The following TRIM9 variants were observed in gnomAD, a reference collection of about 807,000 sequenced individuals.
TRIM9 encodes E3 ubiquitin-protein ligase TRIM9.
A neutral mutation model predicts 78.3 loss-of-function variants in TRIM9; 26 were observed. The ratio of observed to expected loss-of-function variants is 0.33; its 90% CI spans 0.24 to 0.46. The LOEUF (loss-of-function observed/expected upper bound fraction) is 0.46. Ranked by LOEUF, TRIM9 falls within the 20% of genes least tolerant of loss-of-function variation. TRIM9 has a pLI of 1.00. For missense variants in TRIM9, 787 were observed against 1,036.4 expected, an observed-to-expected ratio of 0.76 and a Z score of 3.30; for synonymous variants, 398 against 416.5, an observed-to-expected ratio of 0.96 and a Z score of 0.54.
intron 6 of TRIM9, 40 bp downstream of exon 6, chr14:51,000,643 T>G (rs2054857750): frequency 2.5e-6 from 4 of 1,608,308 alleles, no homozygotes; most frequent in Non-Finnish European, 2.6e-6. Context: ...ACAGAGTCAC[T>G]GCTTTGGGTT....
chr14:51,045,140 C>A (rs1198058620), intron 1 of TRIM9, among the ~76,000 whole-genome samples: 1 of 152,200 alleles, frequency 6.6e-6, no homozygotes, highest in Admixed American at 6.5e-5. Flanking sequence ...GCCTGCAAGC[C>A]ACCAGCTGCT....
At chr14:51,081,024 C>T (rs1296820566) in intron 1 of TRIM9, among the ~76,000 whole-genome samples, 3 of 152,164 alleles carry the variant, frequency 2.0e-5, no homozygotes, top group Non-Finnish European at 4.4e-5. Context: ...ATAAGATTTC[C>T]TCCCACGCAG....
At chr14:51,048,759 C>T (rs535396389) in intron 1 of TRIM9, among the ~76,000 whole-genome samples, 86 of 151,788 alleles carry the variant, frequency 5.7e-4, no homozygotes, top group Non-Finnish European at 9.6e-4. Flanking sequence ...CCGAGGCAGG[C>T]GGATCACGAG....
At chr14:51,029,407 G>A (rs2058538767) in intron 1 of TRIM9, among the ~76,000 whole-genome samples, 1 of 152,118 alleles carries the variant, frequency 6.6e-6, no homozygotes, top group Admixed American at 6.5e-5. Context: ...CAACACCACT[G>A]GGCCCAGGAG....
intron 7 of TRIM9, chr14:50,996,636 T>C (rs991850128): frequency 1.6e-5 from 16 of 985,470 alleles, no homozygotes; most frequent in Middle Eastern, 1.0e-3. Flanking sequence ...GCAAGGGCCT[T>C]CTGCGTTGCA....
At chr14:51,012,126 G>C (rs1000414485) in intron 3 of TRIM9, among the ~76,000 whole-genome samples, 1 of 152,110 alleles carries the variant, frequency 6.6e-6, no homozygotes, top group Non-Finnish European at 1.5e-5. Context: ...TAATTCCGTG[G>C]CATTAAGTAC....
chr14:51,077,118 G>C (rs999779784), intron 1 of TRIM9, among the ~76,000 whole-genome samples: 1 of 152,166 alleles, frequency 6.6e-6, no homozygotes, highest in African/African-American at 2.4e-5. Flanking sequence ...TTGAATTTCT[G>C]TTGTGCATCT....
At chr14:51,091,169 A>G (rs1290605742) in intron 1 of TRIM9, 1 of 152,156 alleles carries the variant, frequency 6.6e-6, no homozygotes, top group Non-Finnish European at 1.5e-5. Flanking sequence ...ATTATTTTTC[A>G]TGGAGTTTTG....
At chr14:51,063,086 ATGTT>A (rs1384027186) in intron 1 of TRIM9, among the ~76,000 whole-genome samples, 2 of 152,214 alleles carry the variant, frequency 1.3e-5, no homozygotes, top group Non-Finnish European at 2.9e-5. Flanking sequence ...TATGATAAAG[ATGTT>A]CAATGACTTA....
At chr14:51,087,587 T>G (rs1411497075) in intron 1 of TRIM9, among the ~76,000 whole-genome samples, 2 of 152,150 alleles carry the variant, frequency 1.3e-5, no homozygotes, top group African/African-American at 4.8e-5. Context: ...TAACAAAACC[T>G]AGATGGTCTC....
At chr14:51,067,875 G>C (rs1194098811) in intron 1 of TRIM9, among the ~76,000 whole-genome samples, 1 of 152,102 alleles carries the variant, frequency 6.6e-6, no homozygotes, top group Non-Finnish European at 1.5e-5. Context: ...TTTATTTTGT[G>C]TTATGGCTAT....
At chr14:51,025,158 G>T (rs1043504760) in intron 2 of TRIM9, 107 bp downstream of exon 2, 1 of 1,001,440 alleles carries the variant, frequency 1.0e-6, no homozygotes, top group Non-Finnish European at 1.5e-6. Context: ...CCACAAAATA[G>T]GAATTTTCCC....
At chr14:50,984,975 T>G (rs1260435016) in intron 8 of TRIM9, among the ~76,000 whole-genome samples, 1 of 152,196 alleles carries the variant, frequency 6.6e-6, no homozygotes, top group Admixed American at 6.5e-5. Context: ...CTGCATCCTT[T>G]TTGCACTGTC....
chr14:51,031,099 G>A (rs1232777114), intron 1 of TRIM9, among the ~76,000 whole-genome samples: 1 of 128,522 alleles, frequency 7.8e-6, no homozygotes, highest in Non-Finnish European at 1.6e-5. Context: ...AGTGAGCTGT[G>A]ATTGCGCCAT....
chr14:50,978,056 C>T (rs965547151), intron 12 of TRIM9, among the ~76,000 whole-genome samples: 2 of 152,002 alleles, frequency 1.3e-5, no homozygotes, highest in African/African-American at 4.8e-5. Context: ...AGACTCGCTT[C>T]TAGGGTAATT....
chr14:50,979,038 C>G, intron 12 of TRIM9: 1 of 1,291,992 alleles, frequency 7.7e-7, no homozygotes, highest in South Asian at 2.7e-5. Flanking sequence ...CACTCCTGAG[C>G]TTTGTTAAGT....
At position 51,037,840 on chromosome 14, in the gene TRIM9, C is replaced by T. The variant is rs1017595767; in HGVS notation, c.823-12480G>A. Among the ~76,000 whole-genome samples, 20 of 152,044 alleles carry T rather than the reference C, an allele frequency of 1.3e-4. No individual in the cohort carries two copies. In the East Asian group the frequency reaches 2.9e-3, roughly 22 times the overall value. On this transcript the variant is annotated intron_variant, in intron 1 of 12. Coordinates refer to ENST00000684578, the MANE Select transcript of TRIM9 (RefSeq NM_001387360.1). ...ACCATCTATTCCTTAGCCTGCAGGA[C>T]GCCTTGGGAGGGTAAAAGCCGTTCT...
chr14:51,039,159 C>T (rs2139959159), intron 1 of TRIM9, among the ~76,000 whole-genome samples: 1 of 152,316 alleles, frequency 6.6e-6, no homozygotes, highest in Non-Finnish European at 1.5e-5. Context: ...GAGACCACTA[C>T]CCAGTAGTGG....
chr14:50,989,401 A>G (rs2053185659), intron 7 of TRIM9, among the ~76,000 whole-genome samples: 2 of 152,230 alleles, frequency 1.3e-5, no homozygotes, highest in Non-Finnish European at 2.9e-5. Context: ...AACTATCACA[A>G]TATGGAGAAG....
Sources: allele counts gnomAD v4.1 joint callset (sites outside exome capture counted in the v4.1 genomes callset), GRCh38; gene constraint gnomAD v4.1.1; transcripts MANE v1.5; gene names NCBI Gene and HGNC (gene_info 2026-07-23, HGNC 2026-07-21).